The following KIF13A variants were observed in gnomAD, a reference collection of about 807,000 sequenced individuals.
KIF13A encodes kinesin family member 13A, also known as kinesin-like protein KIF13A.
A neutral mutation model predicts 212.2 loss-of-function variants in KIF13A; 79 were observed. The observed-to-expected ratio is 0.37, with a 90% CI of 0.31 to 0.45. The LOEUF (loss-of-function observed/expected upper bound fraction) is 0.45. KIF13A is among the 20% of genes least tolerant of loss of function. The pLI is 1.00. For missense variants in KIF13A, 1,901 were observed against 2,209.0 expected (o/e 0.86, Z 2.79); for synonymous variants, 789 against 808.6 (o/e 0.98, Z 0.41).
At position 17,872,612 on chromosome 6, in the gene KIF13A, T is replaced by C. The variant is rs928028321; in HGVS notation, c.220+765A>G. On this transcript the variant is annotated intron_variant, in intron 4 of 38. Coordinates refer to ENST00000259711, the MANE Select transcript of KIF13A (RefSeq NM_022113.6). This position sits in a 1 kb window ranked among gnomAD's most constrained non-coding sequence, Gnocchi z 4.7. Reference sequence around the variant, plus strand: ...AACATCACACTGTACATGATAAATATATGCAACTTTCATTTGCCAGTTAGA... The same window carrying C: ...AACATCACACTGTACATGATAAATACATGCAACTTTCATTTGCCAGTTAGA... 6.6e-6 allele frequency among the ~76,000 whole-genome samples: 1 copy of C among 152,232 alleles called. No individual in the cohort carries two copies. The highest frequency in any genetic ancestry group is 2.4e-5 in the African/African-American group (1 of 41,468).
intron 9 of KIF13A, among the ~76,000 whole-genome samples, chr6:17,848,558 CTTTTTTT>C (rs66477046): frequency 1.3e-4 from 9 of 68,858 alleles, no homozygotes; most frequent in African/African-American, 4.4e-4. Flanking sequence ...ACTCGTACAT[CTTTTTTT>C]TTTTTTTTTT....
chr6:17,969,545 G>C (rs1009894233), intron 2 of KIF13A, among the ~76,000 whole-genome samples: 1 of 152,138 alleles, frequency 6.6e-6, no homozygotes, highest in Non-Finnish European at 1.5e-5. Flanking sequence ...AATAATATTA[G>C]GTTTCTATAC....
At chr6:17,941,132 T>C (rs1776928532) in intron 2 of KIF13A, among the ~76,000 whole-genome samples, 1 of 152,160 alleles carries the variant, frequency 6.6e-6, no homozygotes, top group Non-Finnish European at 1.5e-5. Flanking sequence ...GCCCAACATA[T>C]GTAATTCTAA....
At chr6:17,814,342 G>A (rs1002249143) in intron 17 of KIF13A, among the ~76,000 whole-genome samples, 3 of 146,574 alleles carry the variant, frequency 2.0e-5, no homozygotes, top group African/African-American at 5.0e-5. Flanking sequence ...TCTGCCTCCC[G>A]GGTTCAAGCA....
rs1001435341 is a variant in KIF13A, at chr6:17,915,341, A to C, written c.147-17161T>G. ...TGCTTAAGCTCTCAGTGCCTCAGTT[A>C]CCTCACCTGTCAAATAGAGCTGGTG... On this transcript the variant is annotated intron_variant, in intron 2 of 38. Coordinates refer to ENST00000259711, the MANE Select transcript of KIF13A (RefSeq NM_022113.6). This position sits in a 1 kb window ranked among gnomAD's most constrained non-coding sequence, Gnocchi z 4.4. Among the ~76,000 whole-genome samples the C allele has an allele frequency of 6.6e-6, 1 of 152,162 alleles. No homozygotes were observed. Among genetic ancestry groups the C allele is most frequent in the African/African-American group, 2.4e-5 (1 of 41,424 alleles).
At chr6:17,902,816 C>A (rs976760300) in intron 2 of KIF13A, among the ~76,000 whole-genome samples, 1 of 152,190 alleles carries the variant, frequency 6.6e-6, no homozygotes, top group East Asian at 1.9e-4. Flanking sequence ...AAGATGTAAA[C>A]CCCTTGAAAA....
At chr6:17,844,768 TATGGACTCCGTA>T (rs1766854953) in intron 9 of KIF13A, among the ~76,000 whole-genome samples, 1 of 152,218 alleles carries the variant, frequency 6.6e-6, no homozygotes, top group African/African-American at 2.4e-5. Flanking sequence ...AATTCACATG[TATGGACTCCGTA>T]ATGTACAAGT....
intron 2 of KIF13A, among the ~76,000 whole-genome samples, chr6:17,927,356 T>C (rs901159577): frequency 5.9e-5 from 9 of 152,204 alleles, no homozygotes; most frequent in African/African-American, 2.2e-4. Flanking sequence ...GGAAGTCTGA[T>C]ACATGCTACA....
rs1264157573 is a variant in KIF13A at position 17,777,732 on chromosome 6, T to C, written c.4093-378A>G. ...TATAAAAGTAACATATGTTTATTTA[T>C]AGATTTAAATATAGACTGCATCAGT... On this transcript the variant is annotated intron_variant, in intron 33 of 38. Coordinates refer to ENST00000259711, the MANE Select transcript of KIF13A (RefSeq NM_022113.6). This position sits in a 1 kb window ranked among gnomAD's most constrained non-coding sequence, Gnocchi z 4.4. Among the ~76,000 whole-genome samples the C allele has an allele frequency of 1.3e-5, 2 of 152,222 alleles. No homozygotes were observed. Among genetic ancestry groups the C allele is most frequent in the African/African-American group, 2.4e-5 (1 of 41,460 alleles).
Position 17,771,806 on chromosome 6 carries a change from G to C in KIF13A, c.4476+102C>G. 2 of 1,051,282 alleles carry C rather than the reference G, an allele frequency of 1.9e-6. No individual in the cohort carries two copies. Among genetic ancestry groups the C allele is most frequent in the Non-Finnish European group, 2.9e-6 (2 of 698,588 alleles). The allele number at this position is 1,051,282 out of a possible 1,614,324, so 65.1% of individuals were successfully genotyped here. On this transcript the variant is annotated intron_variant, in intron 37 of 38. Coordinates refer to ENST00000259711, the MANE Select transcript of KIF13A (RefSeq NM_022113.6). The surrounding 1 kb of genome is among the most constrained non-coding windows in gnomAD (Gnocchi z 5.4). ...ACGGGAACCATGGAGTGATGACCGT[G>C]CATGTCCACATGCAGCACTCAGCTT...
rs769097321 is a variant in KIF13A at position 17,962,981 on chromosome 6, C to G, written c.146+24073G>C. ...ACTCAGATCTGTCTGTCCCCTCCCC[C>G]ACTACACTGTAAACTCAAAGTGCAT... On this transcript the variant is annotated intron_variant, in intron 2 of 38. Coordinates refer to ENST00000259711, the MANE Select transcript of KIF13A (RefSeq NM_022113.6). Among the ~76,000 whole-genome samples the G allele has an allele frequency of 1.6e-4, 25 of 152,354 alleles. 1 individual carries two copies. Among genetic ancestry groups the G allele is most frequent in the African/African-American group, 5.8e-4 (24 of 41,578 alleles).
At chr6:17,810,836 G>A (rs1251872376) in intron 17 of KIF13A, among the ~76,000 whole-genome samples, 1 of 152,182 alleles carries the variant, frequency 6.6e-6, no homozygotes, top group African/African-American at 2.4e-5. Flanking sequence ...TGATCTGACA[G>A]GAGGTGGAGC....
intron 2 of KIF13A, among the ~76,000 whole-genome samples, chr6:17,937,773 G>A (rs1286256725): frequency 6.1e-5 from 9 of 146,440 alleles, no homozygotes; most frequent in African/African-American, 2.3e-4. Flanking sequence ...TTTTTGAGAC[G>A]GAGTCTCGCT....
intron 2 of KIF13A, among the ~76,000 whole-genome samples, chr6:17,925,159 G>C (rs1464274796): frequency 6.6e-6 from 1 of 152,210 alleles, no homozygotes. Context: ...GACAAGTGCA[G>C]AAACACTGAG....
At chr6:17,956,076 T>G (rs1274752914) in intron 2 of KIF13A, among the ~76,000 whole-genome samples, 1 of 152,168 alleles carries the variant, frequency 6.6e-6, no homozygotes, top group Non-Finnish European at 1.5e-5. Flanking sequence ...AGCAACGGAC[T>G]TAGGTTCACA....
At position 17,764,904 on chromosome 6, in the gene KIF13A, TC is replaced by T. The variant is rs1758807666; in HGVS notation, c.4623del (p.Lys1542SerfsTer2). On this transcript the variant is annotated frameshift_variant, in exon 39 of 39. Coordinates refer to ENST00000259711, the MANE Select transcript of KIF13A (RefSeq NM_022113.6). LOFTEE classifies it low-confidence loss of function (END_TRUNC). This position sits in a 1 kb window ranked among gnomAD's most constrained non-coding sequence, Gnocchi z 5.1. ...EEENELEAIN[R>X]KLISSQPYVP... is the part of the protein sequence containing the mutation. ...ACATAAGGCTGTGAACTTATTAGCT[TC>T]CTGTTAATAGCTTCCAGCTCATTTT... 6.2e-7 allele frequency: 1 copy of T among 1,613,366 alleles called. No individual in the cohort carries two copies. The highest frequency in any genetic ancestry group is 1.3e-5 in the African/African-American group (1 of 74,938).
intron 3 of KIF13A, chr6:17,881,718 C>A: frequency 3.1e-6 from 1 of 327,168 alleles, no homozygotes; most frequent in Non-Finnish European, 6.0e-6. Context: ...CAGCAATGGC[C>A]AGGCACAGGG....
At chr6:17,858,077 AGTTATG>A (rs1293857132) in intron 4 of KIF13A, among the ~76,000 whole-genome samples, 1 of 120,498 alleles carries the variant, frequency 8.3e-6, no homozygotes, top group African/African-American at 3.7e-5. Context: ...TATGTCAAAT[AGTTATG>A]TGTGTGTGTG....
At chr6:17,780,449 C>T (rs528456377) in intron 31 of KIF13A, among the ~76,000 whole-genome samples, 82 of 152,330 alleles carry the variant, frequency 5.4e-4, no homozygotes, top group African/African-American at 1.9e-3. Context: ...AATCTCTCAG[C>T]CTCAGTTTTT....
Sources: allele counts gnomAD v4.1 joint callset (sites outside exome capture counted in the v4.1 genomes callset), GRCh38; gene constraint gnomAD v4.1.1; non-coding constraint Gnocchi (gnomAD v3.1); transcripts MANE v1.5; gene names NCBI Gene and HGNC (gene_info 2026-07-23, HGNC 2026-07-21).